Variants in ZDHHC5 observed in about 807,000 individuals in gnomAD.
ZDHHC5 encodes the protein zDHHC palmitoyltransferase 5.
A neutral mutation model predicts 70.0 loss-of-function variants in ZDHHC5; 22 were observed. That is an observed-to-expected ratio of 0.31 (90% CI 0.22 to 0.45). The LOEUF (loss-of-function observed/expected upper bound fraction) is 0.45. ZDHHC5 is among the 20% of genes least tolerant of loss of function. ZDHHC5 has a pLI of 1.00. For synonymous variants in ZDHHC5, 313 were observed against 347.8 expected (o/e 0.90, Z 1.11); for missense variants, 746 against 926.9 (o/e 0.80, Z 2.53).
chr11:57,682,603 C>A, intron 3 of ZDHHC5, 60 bp downstream of exon 3: 1 of 1,570,296 alleles, frequency 6.4e-7, no homozygotes, highest in Non-Finnish European at 8.7e-7. Flanking sequence ...AATGAGTTGG[C>A]CATACACAGT....
In ZDHHC5 at chr11:57,698,626, G is replaced by T. The variant is rs372245069; in HGVS notation, c.1190G>T (p.Arg397Leu). ...IAESSRHPSY[R>L]SEPSLEPESF... ...GAGAGCAGCCGTCACCCCAGCTACC[G>T]CTCAGAGCCCAGCTTGGAACCAGAG... Residue 397 changes from arginine to leucine, a missense_variant, in exon 11 of 12, where the codon CGC becomes CTC. Arg to Leu is a moderately radical substitution (Grantham distance 102, BLOSUM62 -2). Coordinates refer to ENST00000287169, the MANE Select transcript of ZDHHC5 (RefSeq NM_015457.3). The T allele has an allele frequency of 6.2e-7, 1 of 1,614,036 alleles. No individual in the cohort carries two copies. Among genetic ancestry groups the T allele is most frequent in the Non-Finnish European group, 8.5e-7 (1 of 1,179,978 alleles).
chr11:57,695,954 C>G lies in ZDHHC5; in HGVS notation c.920C>G (p.Ser307Cys). 1.2e-6 allele frequency: 2 copies of G among 1,614,144 alleles called. No individual in the cohort carries two copies. Among genetic ancestry groups the G allele is most frequent in the South Asian group, 2.2e-5 (2 of 91,078 alleles). ...AGCCTGGAGATAACAGAGAGCCAGT[C>G]TGCAGATGCTGAACCTCCACCTCCT... is the stretch of plus-strand genomic sequence containing the variant. Reference protein sequence around the residue: ...KGSLEITESQSADAEPPPPPK... With the variant: ...KGSLEITESQCADAEPPPPPK... The change falls in exon 9 of 12, where the codon TCT (serine) becomes TGT (cysteine). Residue 307 changes from serine (S) to cysteine (C), a missense_variant. Around this residue, in one of 6 missense-constraint regions of ZDHHC5, gnomAD observed 179 missense variants for 178.4 expected, o/e 1.00. Coordinates refer to ENST00000287169, the MANE Select transcript of ZDHHC5 (RefSeq NM_015457.3).
chr11:57,684,604 G>A lies in ZDHHC5; in HGVS notation c.226+2061G>A, dbSNP rs573708869. Among the ~76,000 whole-genome samples, 5 of 152,250 alleles carry A rather than the reference G, an allele frequency of 3.3e-5. No individual in the cohort carries two copies. In the East Asian group the frequency reaches 9.7e-4, roughly 29 times the overall value. On this transcript the variant is annotated intron_variant, in intron 3 of 11. Coordinates refer to ENST00000287169, the MANE Select transcript of ZDHHC5 (RefSeq NM_015457.3). ...CTGAGGTTGAAGAAAGGTGATAATT[G>A]AAATTGGACTTTTAGAGGAAGGAGA...
Position 57,684,546 on chromosome 11 carries a change from G to A in ZDHHC5, c.226+2003G>A, listed in dbSNP as rs1429021403. ...TTAGGATACAGAATTTAGCTTGTTTGTAGCATGCAGAGATGGAACCAGAGG... is the reference window on the plus strand; with the variant it reads ...TTAGGATACAGAATTTAGCTTGTTTATAGCATGCAGAGATGGAACCAGAGG... On this transcript the variant is annotated intron_variant, in intron 3 of 11. Coordinates refer to ENST00000287169, the MANE Select transcript of ZDHHC5 (RefSeq NM_015457.3). Among the ~76,000 whole-genome samples the A allele has an allele frequency of 2.0e-5, 3 of 152,184 alleles. 1 individual carries two copies. The highest frequency in any genetic ancestry group is 7.2e-5 in the African/African-American group (3 of 41,454).
chr11:57,697,514 G>A (rs1177063117), intron 10 of ZDHHC5, among the ~76,000 whole-genome samples: 2 of 150,432 alleles, frequency 1.3e-5, no homozygotes, highest in African/African-American at 4.9e-5. Context: ...TGGTGGGGGG[G>A]CACCTGTAAT....
At chr11:57,678,598 G>A (rs531471268) in intron 2 of ZDHHC5, among the ~76,000 whole-genome samples, 180 of 149,894 alleles carry the variant, frequency 1.2e-3, no homozygotes, top group African/African-American at 4.1e-3. Context: ...AAATTCTAGC[G>A]GCTGGGAGCA....
intron 3 of ZDHHC5, among the ~76,000 whole-genome samples, chr11:57,683,133 A>G (rs534773347): frequency 6.6e-6 from 1 of 152,340 alleles, no homozygotes; most frequent in East Asian, 1.9e-4. Flanking sequence ...TGGCAAACTT[A>G]GTGGGGCTAG....
chr11:57,691,988 CTTTT>C (rs879286382), intron 6 of ZDHHC5, among the ~76,000 whole-genome samples: 3 of 146,570 alleles, frequency 2.0e-5, no homozygotes, highest in Non-Finnish European at 3.0e-5. Context: ...ACCTTAATTG[CTTTT>C]TTTTTTTCTT....
chr11:57,690,293 T>C, intron 5 of ZDHHC5, 42 bp from the exon 6 acceptor site: 1 of 1,613,830 alleles, frequency 6.2e-7, no homozygotes, highest in Non-Finnish European at 8.5e-7. Context: ...CCGGGGAAAG[T>C]GAGGTCATGT....
chr11:57,692,525 G>A (rs1946297871), intron 6 of ZDHHC5, 86 bp from the exon 7 acceptor site: 9 of 1,145,976 alleles, frequency 7.9e-6, no homozygotes, highest in Admixed American at 5.8e-5. Context: ...GATAGTGAGT[G>A]CACAATAACT....
Position 57,698,815 on chromosome 11 carries a change from C to A in ZDHHC5, c.1379C>A (p.Ala460Asp). The change falls in exon 11 of 12, where the codon GCC becomes GAC. Residue 460 changes from alanine to aspartate, a missense_variant. Physicochemically the swap from Ala to Asp is moderately radical, Grantham distance 126. Around this residue, in one of 6 missense-constraint regions of ZDHHC5, gnomAD observed 340 missense variants for 350.1 expected, o/e 0.97. Coordinates refer to ENST00000287169, the MANE Select transcript of ZDHHC5 (RefSeq NM_015457.3). ...ACCTCCACCTCCTATAAGAGCCTGGCCAACCAGACACGCAATGGAAGCCTA... is the reference window on the plus strand; with the variant it reads ...ACCTCCACCTCCTATAAGAGCCTGGACAACCAGACACGCAATGGAAGCCTA... ...GTTSTSYKSL[A>D]NQTRNGSLSY... is the part of the protein sequence containing the mutation. The A allele has an allele frequency of 6.2e-7, 1 of 1,614,226 alleles. No homozygotes were observed. Among genetic ancestry groups the A allele is most frequent in the African/African-American group, 1.3e-5 (1 of 75,062 alleles).
rs779902189 is a variant in ZDHHC5, at chr11:57,699,954, C to T, written c.2071C>T (p.Pro691Ser). The T allele has an allele frequency of 5.6e-5, 90 of 1,614,084 alleles. No homozygotes were observed. The highest frequency in any genetic ancestry group is 7.5e-5 in the Non-Finnish European group (89 of 1,180,042). Reference protein sequence around the residue: ...GSASPGPGQPPLSSPTRGGVK... With the variant: ...GSASPGPGQPSLSSPTRGGVK... The stretch of plus-strand genomic sequence containing the variant: ...AGCCTCCCCTGGCCCAGGCCAGCCA[C>T]CTCTCAGTAGCCCCACGAGGGGAGG... The change falls in exon 12 of 12, where the codon CCT (proline) becomes TCT (serine). Residue 691 changes from proline to serine, a missense_variant. Transcript: ENST00000287169.
chr11:57,670,245 C>G (rs925747859), intron 1 of ZDHHC5, among the ~76,000 whole-genome samples: 1 of 152,046 alleles, frequency 6.6e-6, no homozygotes, highest in African/African-American at 2.4e-5. Context: ...GGTGAGGAGG[C>G]AGATCACCTG....
Position 57,698,819 on chromosome 11 carries a change from C to A in ZDHHC5, c.1383C>A (p.Asn461Lys). The change falls in exon 11 of 12, where the codon AAC becomes AAA. Residue 461 changes from asparagine (N) to lysine (K), a missense_variant. By Grantham distance (94) the Asn-to-Lys change is moderately conservative. Around this residue, in one of 6 missense-constraint regions of ZDHHC5, gnomAD observed 340 missense variants for 350.1 expected, o/e 0.97. Coordinates refer to ENST00000287169, the MANE Select transcript of ZDHHC5 (RefSeq NM_015457.3). ...TTSTSYKSLA[N>K]QTRNGSLSYD... The stretch of plus-strand genomic sequence containing the variant: ...CCACCTCCTATAAGAGCCTGGCCAA[C>A]CAGACACGCAATGGAAGCCTATCTT... The A allele has an allele frequency of 6.2e-7, 1 of 1,614,242 alleles. No homozygotes were observed. Among genetic ancestry groups the A allele is most frequent in the Non-Finnish European group, 8.5e-7 (1 of 1,180,052 alleles).
intron 7 of ZDHHC5, 119 bp from the exon 8 acceptor site, chr11:57,693,664 T>G (rs957067042): frequency 9.5e-5 from 133 of 1,401,552 alleles, no homozygotes; most frequent in Non-Finnish European, 1.2e-4. Flanking sequence ...TGGCCAAAAC[T>G]GCAATTACTT....
Position 57,684,058 on chromosome 11 carries a change from AC to A in ZDHHC5, c.226+1523del, listed in dbSNP as rs930205504. Among the ~76,000 whole-genome samples the A allele has an allele frequency of 1.1e-4, 14 of 128,140 alleles. 1 individual carries two copies. In the South Asian group the frequency reaches 2.1e-3, roughly 19 times the overall value. 84.1% of individuals were successfully genotyped at this position (128,140 alleles called of 152,430 possible). On this transcript the variant is annotated intron_variant, in intron 3 of 11. Coordinates refer to ENST00000287169, the MANE Select transcript of ZDHHC5 (RefSeq NM_015457.3). The stretch of plus-strand genomic sequence containing the variant: ...GCAATCACGGCTCACTGCAGCCTTG[AC>A]CCCCCCCTGGCTCAGGTGATCTCCC...
intron 2 of ZDHHC5, 138 bp downstream of exon 2, chr11:57,673,332 G>A (rs1946030739): frequency 2.8e-6 from 2 of 721,968 alleles, no homozygotes; most frequent in Non-Finnish European, 4.5e-6. Flanking sequence ...CCAAATCCCA[G>A]AGACATGTAA....
intron 2 of ZDHHC5, among the ~76,000 whole-genome samples, chr11:57,676,753 C>T (rs575428627): frequency 4.7e-4 from 72 of 151,950 alleles, no homozygotes; most frequent in African/African-American, 1.6e-3. Flanking sequence ...GTAGGATCTC[C>T]TGAGACCTAG....
chr11:57,681,375 G>A (rs1465510425), intron 2 of ZDHHC5: 1 of 152,232 alleles, frequency 6.6e-6, no homozygotes, highest in Non-Finnish European at 1.5e-5. Context: ...AAGGGGACAA[G>A]GACAGATGCT....
Sources: gnomAD v4.1 joint callset for allele counts (sites outside exome capture counted in the v4.1 genomes callset) on GRCh38, gnomAD v4.1.1 for gene constraint, gnomAD v4.1.1 regional missense constraint, MANE v1.5 for transcripts, NCBI Gene and HGNC (gene_info 2026-07-23, HGNC 2026-07-21) for gene names.